RNF212: variants seen among roughly 807,000 people sequenced by gnomAD.
RNF212 encodes probable E3 SUMO-protein ligase RNF212.
In RNF212, 33 loss-of-function variants were observed where a neutral mutation model predicts 34.7. That is an observed-to-expected ratio of 0.95 (90% CI 0.72 to 1.27). RNF212 has a LOEUF of 1.27. Among genes scored for constraint, RNF212 ranks in the 50% most tolerant of loss-of-function variants. RNF212 has a pLI of 0.00. For synonymous variants in RNF212, 140 were observed against 136.1 expected (o/e 1.03, Z -0.20); for missense variants, 377 against 362.2 (o/e 1.04, Z -0.33).
intron 3 of RNF212, among the ~76,000 whole-genome samples, chr4:1,063,098 A>G (rs1274156590): frequency 6.6e-6 from 1 of 152,242 alleles, no homozygotes; most frequent in African/African-American, 2.4e-5. Flanking sequence ...ATGGATTGGA[A>G]GATGCAGTGT....
chr4:1,065,150 T>G (rs1027359607), intron 3 of RNF212, among the ~76,000 whole-genome samples: 1 of 152,240 alleles, frequency 6.6e-6, no homozygotes, highest in African/African-American at 2.4e-5. Context: ...TTTTGAGTAC[T>G]GAATTGAAAT....
At chr4:1,090,742 G>A in intron 4 of RNF212, 40 bp downstream of exon 4, 2 of 1,140,796 alleles carry the variant, frequency 1.8e-6, no homozygotes, top group Non-Finnish European at 2.7e-6. Context: ...AAATCTAAAG[G>A]TCAAAAAAAT....
At chr4:1,081,997 T>A (rs115072543) in intron 5 of RNF212, 3,349 of 268,578 alleles carry the variant, frequency 0.012, 28 homozygotes, top group Non-Finnish European at 0.016. Flanking sequence ...ATGTCCATCA[T>A]CCCAACACTT....
At chr4:1,066,296 G>A (rs1718091606) in intron 3 of RNF212, among the ~76,000 whole-genome samples, 1 of 152,094 alleles carries the variant, frequency 6.6e-6, no homozygotes, top group Non-Finnish European at 1.5e-5. Flanking sequence ...TTGATCATTT[G>A]TGTACTTTGC....
At chr4:1,070,069 G>C (rs1718350136), downstream of RNF212, among the ~76,000 whole-genome samples, 1 of 140,706 alleles carries the variant, frequency 7.1e-6, no homozygotes, top group South Asian at 2.3e-4. Context: ...GTGGACGCCT[G>C]GCCTGAGTTA....
chr4:1,079,772 G>T, intron 7 of RNF212, 84 bp from the exon 8 acceptor site: 1 of 924,740 alleles, frequency 1.1e-6, no homozygotes, highest in Non-Finnish European at 1.8e-6. Context: ...ATGACGAGAT[G>T]ATGTGTAAAT....
chr4:1,063,101 T>G (rs1021160356), intron 3 of RNF212, among the ~76,000 whole-genome samples: 8 of 152,210 alleles, frequency 5.3e-5, no homozygotes, highest in African/African-American at 1.7e-4. Context: ...GATTGGAAGA[T>G]GCAGTGTTAG....
intron 8 of RNF212, among the ~76,000 whole-genome samples, chr4:1,074,132 C>T (rs534235347): frequency 2.6e-5 from 4 of 152,148 alleles, no homozygotes; most frequent in Admixed American, 1.3e-4. Flanking sequence ...CCAGCAACCA[C>T]GAGGCCGCTT....
At chr4:1,099,789 TG>T (rs1299690233) in intron 2 of RNF212, 3 of 456,136 alleles carry the variant, frequency 6.6e-6, no homozygotes, top group African/African-American at 6.0e-5. Flanking sequence ...AAATCAACCC[TG>T]GTGCAGAGCA....
At chr4:1,091,096 T>C (rs28514301) in intron 3 of RNF212, among the ~76,000 whole-genome samples, 28,150 of 152,242 alleles carry the variant, frequency 0.18, 4,232 homozygotes, top group African/African-American at 0.42. Context: ...GGTGCTCTAC[T>C]GCTGGGCCAA....
chr4:1,102,055 C>T (rs1428324710), intron 2 of RNF212, among the ~76,000 whole-genome samples: 1 of 152,114 alleles, frequency 6.6e-6, no homozygotes, highest in Non-Finnish European at 1.5e-5. Context: ...AATACATATA[C>T]TGCAGGCAAA....
downstream of RNF212, among the ~76,000 whole-genome samples, chr4:1,068,919 T>C (rs1718261248): frequency 1.3e-5 from 2 of 152,168 alleles, no homozygotes; most frequent in African/African-American, 4.8e-5. Context: ...TAGAAATCTA[T>C]GAATATGGCT....
At chr4:1,107,236 A>T (rs1203932350) in intron 2 of RNF212, 1 of 151,694 alleles carries the variant, frequency 6.6e-6, no homozygotes, top group East Asian at 1.9e-4. Flanking sequence ...TATTTTTAGT[A>T]GAGACGGGGT....
chr4:1,062,996 C>G (rs959444901), intron 3 of RNF212, among the ~76,000 whole-genome samples: 2 of 152,082 alleles, frequency 1.3e-5, no homozygotes, highest in African/African-American at 4.8e-5. Flanking sequence ...TAAATTTTAC[C>G]AATGAAGTGC....
chr4:1,087,906 C>T (rs557187828), intron 4 of RNF212, among the ~76,000 whole-genome samples: 2 of 152,200 alleles, frequency 1.3e-5, no homozygotes, highest in South Asian at 2.1e-4. Flanking sequence ...TTTCCTGAGG[C>T]CTTCCCAGCC....
rs372156034 is a variant in RNF212, at chr4:1,073,023, T to G, written c.745A>C (p.Asn249His). Residue 249 changes from asparagine (N) to histidine (H), a missense_variant, in exon 10 of 10, where the codon AAC becomes CAC. Asn to His is a moderately conservative substitution (Grantham distance 68). Transcript: ENST00000433731. ...FSSGRHGELT[N>H]SKTLPIYAEV... ...GCATATATTGGAAGTGTTTTAGAGT[T>G]GGTGAGTTCCCCGTGCCTTCCAGAA... 1.2e-6 allele frequency: 2 copies of G among 1,614,048 alleles called. No homozygotes were observed. Among genetic ancestry groups the G allele is most frequent in the Middle Eastern group, 1.6e-4 (1 of 6,084 alleles).
At chr4:1,073,772 T>A in intron 8 of RNF212, 110 bp from the exon 9 acceptor site, 1 of 735,190 alleles carries the variant, frequency 1.4e-6, no homozygotes, top group African/African-American at 1.7e-5. Context: ...ATCTCCCTCA[T>A]CTTTATCGCC....
intron 5 of RNF212, among the ~76,000 whole-genome samples, chr4:1,085,065 C>T (rs1720954545): frequency 6.6e-6 from 1 of 152,230 alleles, no homozygotes; most frequent in Admixed American, 6.5e-5. Context: ...TCACCCACCC[C>T]TACACACACA....
Position 1,072,924 on chromosome 4 carries a change from C to T in RNF212, c.844G>A (p.Val282Met). ...GTLDTFRTPA[V>M]SVVFPLCQFE... is the part of the protein sequence containing the mutation. ...TGGCAAAGAGGAAACACAACAGACACAGCGGGTGTTCTGAACGTGTCCAGG... is the reference window on the plus strand; with the variant it reads ...TGGCAAAGAGGAAACACAACAGACATAGCGGGTGTTCTGAACGTGTCCAGG... The change falls in exon 10 of 10, where the codon GTG becomes ATG. Residue 282 changes from valine to methionine, a missense_variant. By Grantham distance (21) the Val-to-Met change is conservative (BLOSUM62 1). Coordinates refer to ENST00000433731, the MANE Select transcript of RNF212 (RefSeq NM_001131034.4). The T allele has an allele frequency of 6.2e-7, 1 of 1,613,810 alleles. No homozygotes were observed. Among genetic ancestry groups the T allele is most frequent in the South Asian group, 1.1e-5 (1 of 91,060 alleles).
Sources: gnomAD v4.1 joint callset for allele counts (sites outside exome capture counted in the v4.1 genomes callset) on GRCh38, gnomAD v4.1.1 for gene constraint, MANE v1.5 for transcripts, NCBI Gene and HGNC (gene_info 2026-07-23, HGNC 2026-07-21) for gene names.